Variants in C1QTNF3 observed in about 807,000 individuals in gnomAD.
The protein encoded by C1QTNF3 is C1q and TNF related 3.
A neutral mutation model predicts 32.6 loss-of-function variants in C1QTNF3; 26 were observed. The observed-to-expected ratio is 0.80, with a 90% CI of 0.58 to 1.11. The LOEUF (loss-of-function observed/expected upper bound fraction) is 1.11. Ranked by LOEUF, C1QTNF3 falls within the 50% of genes least tolerant of loss-of-function variation. The pLI, the probability that C1QTNF3 is intolerant of heterozygous loss-of-function variation, is 0.00. For synonymous variants in C1QTNF3, 155 were observed against 146.0 expected (o/e 1.06, Z -0.44); for missense variants, 362 against 398.2 (o/e 0.91, Z 0.77).
chr5:34,117,201 A>G, the C1QTNF3 span, among the ~76,000 whole-genome samples: 26 of 151,948 alleles, frequency 1.7e-4, no homozygotes, highest in Non-Finnish European at 3.5e-4. Context: ...CCTTTTAACT[A>G]TTTCATATTA....
chr5:34,118,349 G>A, the C1QTNF3 span, among the ~76,000 whole-genome samples: 2 of 152,162 alleles, frequency 1.3e-5, no homozygotes, highest in African/African-American at 4.8e-5. Context: ...AAAGTGCTGG[G>A]ATTACAGGTG....
chr5:34,079,912 A>G, the C1QTNF3 span, among the ~76,000 whole-genome samples: 1 of 151,764 alleles, frequency 6.6e-6, no homozygotes, highest in Non-Finnish European at 1.5e-5. Flanking sequence ...CTAAAAGTGT[A>G]GATCCTATGT....
At chr5:34,052,269 T>G in the C1QTNF3 span, among the ~76,000 whole-genome samples, 1 of 152,244 alleles carries the variant, frequency 6.6e-6, no homozygotes, top group African/African-American at 2.4e-5. Context: ...GATATGTTCT[T>G]TCCCCTATGA....
intron 5 of C1QTNF3, among the ~76,000 whole-genome samples, chr5:34,021,126 T>C (rs1343498862): frequency 6.6e-6 from 1 of 152,258 alleles, no homozygotes; most frequent in African/African-American, 2.4e-5. Flanking sequence ...GCTATTCCAC[T>C]GGGTTTTTGT....
chr5:34,062,485 G>A, the C1QTNF3 span, among the ~76,000 whole-genome samples: 3 of 152,168 alleles, frequency 2.0e-5, no homozygotes, highest in Admixed American at 2.0e-4. Context: ...CCTATGAGAA[G>A]GAGAGCGAGC....
the C1QTNF3 span, among the ~76,000 whole-genome samples, chr5:34,226,153 T>C: frequency 6.6e-6 from 1 of 152,036 alleles, no homozygotes; most frequent in Non-Finnish European, 1.5e-5. Flanking sequence ...AAATATCTTC[T>C]ATGTATAAAC....
the C1QTNF3 span, among the ~76,000 whole-genome samples, chr5:34,234,001 A>C: frequency 1.3e-5 from 2 of 152,144 alleles, no homozygotes; most frequent in Non-Finnish European, 2.9e-5. Context: ...TCAGTATTGT[A>C]TTAGTACCCA....
the C1QTNF3 span, among the ~76,000 whole-genome samples, chr5:34,176,166 C>T: frequency 6.6e-6 from 1 of 150,404 alleles, no homozygotes; most frequent in Non-Finnish European, 1.5e-5. Context: ...AAAAACCAAA[C>T]ACCGCATATT....
chr5:34,226,317 AC>A, the C1QTNF3 span, among the ~76,000 whole-genome samples: 1 of 151,976 alleles, frequency 6.6e-6, no homozygotes, highest in African/African-American at 2.4e-5. Flanking sequence ...AAACTTGTGA[AC>A]AAAAAACAGC....
chr5:34,082,348 T>C, the C1QTNF3 span, among the ~76,000 whole-genome samples: 1 of 151,328 alleles, frequency 6.6e-6, no homozygotes, highest in Non-Finnish European at 1.5e-5. Context: ...TCCCTGAAAA[T>C]ATATCACCAT....
the C1QTNF3 span, among the ~76,000 whole-genome samples, chr5:34,177,554 T>A: frequency 7.1e-6 from 1 of 140,862 alleles, no homozygotes; most frequent in Admixed American, 7.6e-5. Context: ...TGGCACAATC[T>A]CGGCTCACTG....
chr5:34,142,155 G>A, the C1QTNF3 span, among the ~76,000 whole-genome samples: 1 of 152,170 alleles, frequency 6.6e-6, no homozygotes, highest in African/African-American at 2.4e-5. Flanking sequence ...GAGGCAGCTG[G>A]GCGCACTGGC....
At chr5:34,140,063 C>T in the C1QTNF3 span, among the ~76,000 whole-genome samples, 1 of 152,128 alleles carries the variant, frequency 6.6e-6, no homozygotes, top group African/African-American at 2.4e-5. Context: ...ATTCAGGGCA[C>T]ACTGTCACAA....
At chr5:34,224,222 C>A in the C1QTNF3 span, among the ~76,000 whole-genome samples, 2 of 152,184 alleles carry the variant, frequency 1.3e-5, no homozygotes, top group East Asian at 3.8e-4. Flanking sequence ...AATGGCCATA[C>A]TGCCCAAGGT....
the C1QTNF3 span, among the ~76,000 whole-genome samples, chr5:34,076,894 A>G: frequency 6.6e-6 from 1 of 151,542 alleles, no homozygotes; most frequent in Non-Finnish European, 1.5e-5. Context: ...GTGAGATCAC[A>G]CAGGGTTATG....
chr5:34,025,540 A>T (rs1356681823), intron 4 of C1QTNF3, among the ~76,000 whole-genome samples: 8 of 152,192 alleles, frequency 5.3e-5, no homozygotes, highest in Admixed American at 4.6e-4. Context: ...TACGGTTTGG[A>T]GGTCTTTGTG....
chr5:34,171,241 T>C, the C1QTNF3 span, among the ~76,000 whole-genome samples: 5 of 152,196 alleles, frequency 3.3e-5, no homozygotes, highest in South Asian at 1.0e-3. Context: ...ATTAAGCATA[T>C]ACTAAAATAG....
upstream of C1QTNF3, among the ~76,000 whole-genome samples, chr5:34,045,384 G>A (rs1754970217): frequency 6.6e-6 from 1 of 152,160 alleles, no homozygotes; most frequent in Admixed American, 6.5e-5. Context: ...ACTGGGGCCT[G>A]GGCAGTTTTT....
At chr5:34,170,478 C>T in the C1QTNF3 span, among the ~76,000 whole-genome samples, 8 of 152,050 alleles carry the variant, frequency 5.3e-5, no homozygotes, top group East Asian at 1.9e-4. Context: ...AATTTCGGGG[C>T]GTCTTGGATA....
Sources: gnomAD v4.1 joint callset for allele counts (sites outside exome capture counted in the v4.1 genomes callset) on GRCh38, gnomAD v4.1.1 for gene constraint, MANE v1.5 for transcripts, NCBI Gene and HGNC (gene_info 2026-07-23, HGNC 2026-07-21) for gene names.